ARHGAP40: variants seen among roughly 807,000 people sequenced by gnomAD.
ARHGAP40 encodes the protein rho GTPase-activating protein 40.
In ARHGAP40, 43 loss-of-function variants were observed where a neutral mutation model predicts 73.5. That is an observed-to-expected ratio of 0.58 (90% CI 0.46 to 0.75). The LOEUF is 0.75. Ranked by LOEUF, ARHGAP40 falls within the 30% of genes least tolerant of loss-of-function variation. The pLI is 0.00. For missense variants in ARHGAP40, 734 were observed against 861.8 expected (o/e 0.85, Z 1.86); for synonymous variants, 300 against 352.8 (o/e 0.85, Z 1.68).
At chr20:38,634,142 A>G (rs1298687567) in intron 5 of ARHGAP40, among the ~76,000 whole-genome samples, 2 of 152,112 alleles carry the variant, frequency 1.3e-5, no homozygotes, top group Admixed American at 6.5e-5. Context: ...GCTTGAGCCC[A>G]GGTGTCTGAG....
chr20:38,605,630 A>G (rs2088766801), intron 1 of ARHGAP40, among the ~76,000 whole-genome samples: 1 of 152,224 alleles, frequency 6.6e-6, no homozygotes, highest in Non-Finnish European at 1.5e-5. Context: ...CAAAAAAAGT[A>G]GCAAGTGAAA....
chr20:38,650,582 G>A, exon 15 of ARHGAP40: 1 of 468,518 alleles, frequency 2.1e-6, no homozygotes, highest in Non-Finnish European at 4.4e-6. Flanking sequence ...GTACAATCTT[G>A]TCATTTTGTA....
At chr20:38,627,250 G>C in intron 3 of ARHGAP40, 35 bp downstream of exon 3, 1 of 1,295,828 alleles carries the variant, frequency 7.7e-7, no homozygotes, top group Non-Finnish European at 1.0e-6. Context: ...GGCCCCGTCT[G>C]ACTGGGATCT....
chr20:38,639,338 A>T, exon 9 of ARHGAP40: 1 of 1,305,518 alleles, frequency 7.7e-7, no homozygotes, highest in Non-Finnish European at 1.0e-6. Context: ...GAAGCTGCCG[A>T]CACCTTTGCT....
chr20:38,624,805 C>T (rs1291889796), intron 2 of ARHGAP40, among the ~76,000 whole-genome samples: 2 of 152,230 alleles, frequency 1.3e-5, no homozygotes, highest in Non-Finnish European at 2.9e-5. Context: ...ACTCTCTAGC[C>T]CCTGCCCTAC....
At position 38,646,972 on chromosome 20, in the gene ARHGAP40, A is replaced by G. The variant is rs2089057866; in HGVS notation, c.1726A>G (p.Lys576Glu). 3 of 1,305,208 alleles carry G rather than the reference A, an allele frequency of 2.3e-6. No individual in the cohort carries two copies. The highest frequency in any genetic ancestry group is 1.2e-5 in the South Asian group (1 of 80,986). 80.9% of individuals were successfully genotyped at this position (1,305,208 alleles called of 1,614,324 possible). The change falls in exon 13 of 15, where the codon AAG becomes GAG. Residue 576 changes from lysine to glutamate, a missense_variant. Lys to Glu is a moderately conservative substitution (Grantham distance 56). Coordinates refer to ENST00000373345, the Ensembl canonical transcript of ARHGAP40. This position sits in a 1 kb window ranked among gnomAD's most constrained non-coding sequence, Gnocchi z 4.5. ...CTCTCTGCAGACTCCCAAGGTGGCA[A>G]AGATCCAGGTGGTCTGGCCTATCAA...
At chr20:38,637,140 A>G (rs1428725077) in intron 6 of ARHGAP40, among the ~76,000 whole-genome samples, 3 of 150,586 alleles carry the variant, frequency 2.0e-5, no homozygotes, top group Non-Finnish European at 4.4e-5. Flanking sequence ...CTTCCCTTTC[A>G]ATACTTTTTT....
Position 38,646,069 on chromosome 20 carries a change from A to T in ARHGAP40, c.1592A>T (p.Gln531Leu), listed in dbSNP as rs751284770. Residue 531 changes from glutamine to leucine, a missense_variant, in exon 12 of 15, where the codon CAG becomes CTG. By Grantham distance (113) the Gln-to-Leu change is moderately radical. Coordinates refer to ENST00000373345, the Ensembl canonical transcript of ARHGAP40. The surrounding 1 kb of genome is among the most constrained non-coding windows in gnomAD (Gnocchi z 4.5). The stretch of plus-strand genomic sequence containing the variant: ...CAGGTCGCCTCTTTCCTGGTCGCCC[A>T]GGTGCGAAAACTGAACGACAGTAGC... 5.4e-6 allele frequency: 7 copies of T among 1,303,964 alleles called. No individual in the cohort carries two copies. In the African/African-American group the frequency reaches 7.6e-5, roughly 14 times the overall value. The allele number at this position is 1,303,964 out of a possible 1,614,324, so 80.8% of individuals were successfully genotyped here. A position where few individuals can be genotyped will look rare whatever the true frequency, so the allele number is the denominator to read the frequency against.
At chr20:38,644,378 C>T (rs973589802) in intron 11 of ARHGAP40, among the ~76,000 whole-genome samples, 2 of 152,066 alleles carry the variant, frequency 1.3e-5, no homozygotes, top group African/African-American at 2.4e-5. Context: ...GGCCCCTCTG[C>T]GGTGTCAGCA....
intron 6 of ARHGAP40, among the ~76,000 whole-genome samples, chr20:38,636,605 A>G (rs907088008): frequency 1.3e-5 from 2 of 152,092 alleles, no homozygotes. Flanking sequence ...CTCCTCGTGG[A>G]TGTATTCTAA....
chr20:38,641,782 C>T, exon 10 of ARHGAP40: 1 of 1,295,988 alleles, frequency 7.7e-7, no homozygotes, highest in African/African-American at 1.5e-5. Flanking sequence ...CCTCATCCTC[C>T]CAGAACCCAA....
chr20:38,611,809 C>T (rs1357358768), intron 1 of ARHGAP40, among the ~76,000 whole-genome samples: 3 of 152,106 alleles, frequency 2.0e-5, no homozygotes, highest in East Asian at 3.9e-4. Flanking sequence ...CTCCTGACCC[C>T]GTGATCCTCC....
chr20:38,621,057 C>T (rs997038935), intron 1 of ARHGAP40, among the ~76,000 whole-genome samples: 2 of 152,180 alleles, frequency 1.3e-5, no homozygotes, highest in African/African-American at 4.8e-5. Context: ...GTCGCACATC[C>T]ATGGAGCCGG....
chr20:38,633,685 G>T (rs1214520443), intron 5 of ARHGAP40, among the ~76,000 whole-genome samples: 1 of 152,222 alleles, frequency 6.6e-6, no homozygotes, highest in East Asian at 1.9e-4. Context: ...CTCGAAAGGG[G>T]CACTGGGAAG....
At chr20:38,645,122 A>G (rs752269267) in intron 11 of ARHGAP40, among the ~76,000 whole-genome samples, 11 of 150,652 alleles carry the variant, frequency 7.3e-5, no homozygotes, top group Non-Finnish European at 1.3e-4. Context: ...TTGCTTATGC[A>G]GTTTACTCTG....
intron 5 of ARHGAP40, 100 bp from the exon 6 acceptor site, chr20:38,634,520 C>T: frequency 1.8e-6 from 2 of 1,103,884 alleles, no homozygotes; most frequent in Non-Finnish European, 2.5e-6. Context: ...CCACGCTGCT[C>T]TTCCTTCTGC....
intron 14 of ARHGAP40, among the ~76,000 whole-genome samples, chr20:38,649,535 CA>C (rs1174351418): frequency 6.6e-6 from 1 of 151,008 alleles, no homozygotes; most frequent in Non-Finnish European, 1.5e-5. Flanking sequence ...GTCCGTCAGT[CA>C]TCGACCGTGG....
chr20:38,617,630 G>A (rs1040478814), intron 1 of ARHGAP40, among the ~76,000 whole-genome samples: 2 of 152,206 alleles, frequency 1.3e-5, no homozygotes, highest in African/African-American at 4.8e-5. Flanking sequence ...CATTCAGGAA[G>A]GCTCTAAGCC....
intron 1 of ARHGAP40, among the ~76,000 whole-genome samples, chr20:38,620,490 T>G (rs1179383997): frequency 6.6e-6 from 1 of 152,252 alleles, no homozygotes; most frequent in Non-Finnish European, 1.5e-5. Flanking sequence ...TTGACAATTT[T>G]GCTTGGGTTT....
Sources: gnomAD v4.1 joint callset for allele counts (sites outside exome capture counted in the v4.1 genomes callset) on GRCh38, gnomAD v4.1.1 for gene constraint, Gnocchi (gnomAD v3.1) non-coding constraint, MANE v1.5 for transcripts, NCBI Gene and HGNC (gene_info 2026-07-23, HGNC 2026-07-21) for gene names.